Variants in TANC1 observed in about 807,000 individuals in gnomAD.
TANC1 encodes protein TANC1.
A neutral mutation model predicts 149.7 loss-of-function variants in TANC1; 77 were observed. The observed-to-expected ratio is 0.51, with a 90% CI of 0.43 to 0.62. TANC1 has a LOEUF of 0.62. Among genes scored for constraint, TANC1 ranks in the 20% least tolerant of loss-of-function variants. The pLI, the probability that TANC1 is intolerant of heterozygous loss-of-function variation, is 0.00. For synonymous variants in TANC1, 854 were observed against 925.0 expected (o/e 0.92, Z 1.39); for missense variants, 1,985 against 2,321.8 (o/e 0.85, Z 2.98).
intron 19 of TANC1, among the ~76,000 whole-genome samples, chr2:159,200,466 A>G (rs1215694007): frequency 6.6e-6 from 1 of 152,230 alleles, no homozygotes; most frequent in African/African-American, 2.4e-5. Flanking sequence ...CCATGACATC[A>G]CACATTTAGC....
In TANC1 at chr2:159,219,368, G is replaced by A. The variant is rs780836123; in HGVS notation, c.3502+7G>A. On this transcript the variant is annotated splice_region_variant and intron_variant, in intron 21 of 26. Transcript: ENST00000263635. The stretch of plus-strand genomic sequence containing the variant: ...GAATTCCTCCTTTCAAAAGGTAGCA[G>A]CGTGATGCCCTCAAAGGTTTCTTTT... 1.9e-6 allele frequency: 3 copies of A among 1,586,972 alleles called. No individual in the cohort carries two copies. The highest frequency in any genetic ancestry group is 2.6e-6 in the Non-Finnish European group (3 of 1,160,536).
chr2:158,975,175 T>C (rs2033492651), intron 1 of TANC1, among the ~76,000 whole-genome samples: 1 of 152,196 alleles, frequency 6.6e-6, no homozygotes, highest in Non-Finnish European at 1.5e-5. Flanking sequence ...TTGTATTTTA[T>C]TGTGTTTATT....
At chr2:159,036,209 A>G (rs1249186284) in intron 2 of TANC1, among the ~76,000 whole-genome samples, 1 of 152,146 alleles carries the variant, frequency 6.6e-6, no homozygotes, top group Non-Finnish European at 1.5e-5. Flanking sequence ...TATTTGAGCT[A>G]CGACTGTTCA....
chr2:159,099,265 T>A (rs1168729742), intron 4 of TANC1, among the ~76,000 whole-genome samples: 1 of 152,156 alleles, frequency 6.6e-6, no homozygotes, highest in African/African-American at 2.4e-5. Context: ...TGTTTATCAG[T>A]ATTTGGGGAA....
chr2:159,045,480 A>G (rs1044711825), intron 2 of TANC1, among the ~76,000 whole-genome samples: 1 of 152,182 alleles, frequency 6.6e-6, no homozygotes, highest in Non-Finnish European at 1.5e-5. Context: ...TTTAAAGGAT[A>G]CATAAAATTA....
At chr2:158,991,001 A>G (rs1344467900) in intron 1 of TANC1, among the ~76,000 whole-genome samples, 2 of 142,838 alleles carry the variant, frequency 1.4e-5, no homozygotes, top group East Asian at 4.6e-4. Context: ...TGAGCCTGGG[A>G]GGATTGCTTG....
In TANC1 at chr2:159,150,424, G is replaced by T. The variant is rs753195213; in HGVS notation, c.550G>T (p.Ala184Ser). The T allele has an allele frequency of 1.2e-6, 2 of 1,614,102 alleles. No individual in the cohort carries two copies. Among genetic ancestry groups the T allele is most frequent in the African/African-American group, 1.3e-5 (1 of 75,014 alleles). Reference sequence around the variant, plus strand: ...TTGCTCCACACTAACAAGCAGCACCGCATCTCCTAGCACCGATAGCCCCTG... The same window carrying T: ...TTGCTCCACACTAACAAGCAGCACCTCATCTCCTAGCACCGATAGCCCCTG... Reference protein sequence around the residue: ...SPCSTLTSSTASPSTDSPCST... With the variant: ...SPCSTLTSSTSSPSTDSPCST... The change falls in exon 7 of 27, where the codon GCA (alanine) becomes TCA (serine). Residue 184 changes from alanine to serine, a missense_variant. Transcript: ENST00000263635.
intron 2 of TANC1, among the ~76,000 whole-genome samples, chr2:159,005,587 C>CA (rs1006442426): frequency 2.0e-5 from 3 of 150,708 alleles, no homozygotes; most frequent in South Asian, 2.1e-4. Context: ...GACCTTGTCT[C>CA]AAAAAAAAGT....
At chr2:159,006,295 C>CA (rs71406138) in intron 2 of TANC1, among the ~76,000 whole-genome samples, 27,869 of 74,654 alleles carry the variant, frequency 0.37, 4,296 homozygotes, top group East Asian at 0.57. Flanking sequence ...GACTTAGTCT[C>CA]AAAAAAAAAA....
chr2:159,010,887 G>T (rs1004231596), intron 2 of TANC1, among the ~76,000 whole-genome samples: 3 of 151,904 alleles, frequency 2.0e-5, no homozygotes, highest in East Asian at 1.9e-4. Context: ...GTCCATTTTG[G>T]TTTTTTTCTT....
chr2:159,146,401 A>C (rs1232095341), intron 5 of TANC1, among the ~76,000 whole-genome samples: 1 of 152,254 alleles, frequency 6.6e-6, no homozygotes, highest in Non-Finnish European at 1.5e-5. Context: ...CTTAATGGAT[A>C]TAAACATGAA....
chr2:159,121,665 C>A (rs1174124964), intron 4 of TANC1, among the ~76,000 whole-genome samples: 1 of 152,112 alleles, frequency 6.6e-6, no homozygotes, highest in East Asian at 1.9e-4. Flanking sequence ...ATTAGGGAAT[C>A]CAAAAAGATG....
chr2:159,138,657 G>T (rs1455641015), intron 5 of TANC1, among the ~76,000 whole-genome samples: 1 of 152,078 alleles, frequency 6.6e-6, no homozygotes, highest in Admixed American at 6.6e-5. Flanking sequence ...TTTAAAATGT[G>T]GTCTTCTGTT....
intron 3 of TANC1, among the ~76,000 whole-genome samples, chr2:159,077,210 C>G (rs1223205473): frequency 6.6e-6 from 1 of 152,168 alleles, no homozygotes; most frequent in Non-Finnish European, 1.5e-5. Context: ...GCGTGCAGCT[C>G]TACACCTGGC....
chr2:159,213,461 TAAA>T (rs2059136527), intron 19 of TANC1, among the ~76,000 whole-genome samples: 1 of 151,522 alleles, frequency 6.6e-6, no homozygotes, highest in African/African-American at 2.4e-5. Flanking sequence ...AAAACTGACA[TAAA>T]TACCATTCTG....
At chr2:159,107,482 C>T (rs1023952987) in intron 4 of TANC1, among the ~76,000 whole-genome samples, 1 of 152,228 alleles carries the variant, frequency 6.6e-6, no homozygotes, top group Non-Finnish European at 1.5e-5. Context: ...TTGACTCTTA[C>T]ATTTAGTCCT....
At chr2:159,163,645 C>A in intron 8 of TANC1, 99 bp downstream of exon 8, 7 of 1,401,444 alleles carry the variant, frequency 5.0e-6, no homozygotes, top group African/African-American at 1.4e-5. Context: ...TACAAGCCAG[C>A]TTCGTGGCCG....
At chr2:159,020,742 A>G (rs2038761000) in intron 2 of TANC1, among the ~76,000 whole-genome samples, 1 of 152,226 alleles carries the variant, frequency 6.6e-6, no homozygotes, top group Non-Finnish European at 1.5e-5. Context: ...AAGAGACTTT[A>G]AGAAAATTTA....
intron 2 of TANC1, among the ~76,000 whole-genome samples, chr2:159,028,990 A>C (rs756163902): frequency 1.3e-4 from 20 of 152,188 alleles, no homozygotes; most frequent in African/African-American, 2.9e-4. Context: ...TCATGGCCTC[A>C]AGTGGTCCTC....
Sources: allele counts gnomAD v4.1 joint callset (sites outside exome capture counted in the v4.1 genomes callset), GRCh38; gene constraint gnomAD v4.1.1; transcripts MANE v1.5; gene names NCBI Gene and HGNC (gene_info 2026-07-23, HGNC 2026-07-21).